Variants in GTF3C3 observed in about 807,000 individuals in gnomAD.
GTF3C3 encodes general transcription factor 3C polypeptide 3.
In GTF3C3, 75 loss-of-function variants were observed where a neutral mutation model predicts 105.2. That is an observed-to-expected ratio of 0.71 (90% CI 0.59 to 0.86). GTF3C3 has a LOEUF of 0.86. Ranked by LOEUF, GTF3C3 falls within the 40% of genes least tolerant of loss-of-function variation. GTF3C3 has a pLI of 0.00. For synonymous variants in GTF3C3, 335 were observed against 370.4 expected, an observed-to-expected ratio of 0.90 and a Z score of 1.10; for missense variants, 856 against 1,076.5, an observed-to-expected ratio of 0.80 and a Z score of 2.87.
Position 196,763,360 on chromosome 2 carries a change from T to C in GTF3C3, c.*1203A>G, listed in dbSNP as rs200942296. 5 of 152,128 alleles carry C rather than the reference T, an allele frequency of 3.3e-5. No individual in the cohort carries two copies. The East Asian group carries it at 9.6e-4, about 29-fold the overall frequency. 9.4% of individuals were successfully genotyped at this position (152,128 alleles called of 1,614,324 possible). ...CACAGAATGCTCAGTTCCACAGAAT[T>C]CCAACACACAAGTCTAACTTATTAC... On this transcript the variant is annotated 3_prime_UTR_variant, in exon 18 of 18. Transcript: ENST00000263956.
At chr2:196,772,025 C>T (rs1699184083) in intron 14 of GTF3C3, 87 bp from the exon 15 acceptor site, 1 of 845,166 alleles carries the variant, frequency 1.2e-6, no homozygotes, top group African/African-American at 1.7e-5. Flanking sequence ...GCTGTCCTAC[C>T]AGCACTGAAA....
chr2:196,766,580 A>C lies in GTF3C3; in HGVS notation c.2523T>G (p.Pro841=). Residue 841 remains proline (P), a synonymous_variant, in exon 17 of 18, where the codon CCT becomes CCG. Transcript: ENST00000263956. ...IHYYQKALEL[P]PLVVEGIELD... is the part of the protein sequence containing the mutation. ...TGCACAATACCTCTACCACAAGTGG[A>C]GGGAGCTCCAGGGCCTTCTGATAAT... is the stretch of plus-strand genomic sequence containing the variant. The C allele has an allele frequency of 6.2e-7, 1 of 1,609,916 alleles. No homozygotes were observed. The highest frequency in any genetic ancestry group is 8.5e-7 in the Non-Finnish European group (1 of 1,177,540).
chr2:196,778,817 T>C, intron 10 of GTF3C3, 79 bp downstream of exon 10: 3 of 1,285,130 alleles, frequency 2.3e-6, no homozygotes, highest in Non-Finnish European at 3.4e-6. Flanking sequence ...TGCACTATAA[T>C]AATTATTACC....
intron 8 of GTF3C3, among the ~76,000 whole-genome samples, chr2:196,781,355 A>ATATATATTATATATATATATAT (rs1442698575): frequency 1.9e-4 from 6 of 31,184 alleles, no homozygotes; most frequent in Non-Finnish European, 4.3e-4. Flanking sequence ...AAAAAAAAAA[A>ATATATATTATATATATATATAT]AAATATATAT....
chr2:196,764,387 A>ATAATT lies in GTF3C3; in HGVS notation c.*171_*175dup. ...GACCAATATACAAATTTTTGTAGGA[A>ATAATT]TAATTTTGCATATATACCACAAGAT... On this transcript the variant is annotated 3_prime_UTR_variant, in exon 18 of 18. Coordinates refer to ENST00000263956, the MANE Select transcript of GTF3C3 (RefSeq NM_012086.5). 1 of 509,614 alleles carries ATAATT rather than the reference A, an allele frequency of 2.0e-6. No individual in the cohort carries two copies. Among genetic ancestry groups the ATAATT allele is most frequent in the Non-Finnish European group, 3.2e-6 (1 of 308,642 alleles). 31.6% of individuals were successfully genotyped at this position (509,614 alleles called of 1,614,324 possible). A position where few individuals can be genotyped will look rare whatever the true frequency, so the allele number is the denominator to read the frequency against.
intron 7 of GTF3C3, among the ~76,000 whole-genome samples, chr2:196,785,180 T>C (rs572598897): frequency 6.6e-6 from 1 of 152,030 alleles, no homozygotes; most frequent in Admixed American, 6.5e-5. Context: ...AAGAACTAAA[T>C]CACAGCAATT....
At position 196,789,369 on chromosome 2, in the gene GTF3C3, G is replaced by A; in HGVS notation, c.728C>T (p.Ala243Val). The A allele has an allele frequency of 6.3e-7, 1 of 1,576,054 alleles. No individual in the cohort carries two copies. Among genetic ancestry groups the A allele is most frequent in the Admixed American group, 1.9e-5 (1 of 53,082 alleles). The stretch of plus-strand genomic sequence containing the variant: ...GACATTAGTAGGTTCATATTTAAGA[G>A]CTAAAAAGAAAGAAATACAAATTAT... ...IKQAIFCYTK[A>V]LKYEPTNVRY... The change falls in exon 6 of 18, where the codon GCT becomes GTT. Residue 243 changes from alanine (A) to valine (V), a missense_variant and splice_region_variant. This residue lies in a region of GTF3C3 where 605 missense variants were observed against 833.6 expected (regional missense o/e 0.73). Transcript: ENST00000263956.
At chr2:196,798,035 A>G (rs1699676596) in intron 1 of GTF3C3, 127 bp from the exon 2 acceptor site, 3 of 644,328 alleles carry the variant, frequency 4.7e-6, no homozygotes, top group Admixed American at 5.0e-5. Context: ...TTGGCAGTTT[A>G]TAGAATAGGG....
chr2:196,779,130 C>CTTTT, intron 9 of GTF3C3, 63 bp from the exon 10 acceptor site: 1 of 1,037,446 alleles, frequency 9.6e-7, no homozygotes, highest in Non-Finnish European at 1.4e-6. Flanking sequence ...CTATCTATAG[C>CTTTT]TTTTTTTTTT....
rs775862667 is a variant in GTF3C3, at chr2:196,797,907, C to G, written c.104G>C (p.Ser35Thr). ...REERKTREKK[S>T]LQEKGKLSAE... The stretch of plus-strand genomic sequence containing the variant: ...TGATAACTTGCCTTTTTCCTGAAGA[C>G]TCTGTGATTGCAAATTAATTAATGA... The change falls in exon 2 of 18, where the codon AGT (serine) becomes ACT (threonine). Residue 35 changes from serine to threonine, a missense_variant and splice_region_variant. Ser to Thr is a moderately conservative substitution (Grantham distance 58). Coordinates refer to ENST00000263956, the MANE Select transcript of GTF3C3 (RefSeq NM_012086.5). 8.5e-6 allele frequency: 13 copies of G among 1,532,316 alleles called. No homozygotes were observed. The highest frequency in any genetic ancestry group is 1.1e-5 in the Non-Finnish European group (12 of 1,105,380). 94.9% of individuals were successfully genotyped at this position (1,532,316 alleles called of 1,614,324 possible).
At position 196,776,073 on chromosome 2, in the gene GTF3C3, AAAC is replaced by A. The variant is rs1699254862; in HGVS notation, c.1629_1631del (p.Leu543del). 6.2e-7 allele frequency: 1 copy of A among 1,600,398 alleles called. No individual in the cohort carries two copies. Among genetic ancestry groups the A allele is most frequent in the Non-Finnish European group, 8.5e-7 (1 of 1,171,860 alleles). On this transcript the variant is annotated inframe_deletion, in exon 12 of 18. Transcript: ENST00000263956. This position sits in a 1 kb window ranked among gnomAD's most constrained non-coding sequence, Gnocchi z 4.5. Reference sequence around the variant, plus strand: ...CATAACCATACATTTTGCCTTGTGAAAACAACAGAGTAGAACGATGAAGCAATA... The same window carrying A: ...CATAACCATACATTTTGCCTTGTGAAAACAGAGTAGAACGATGAAGCAATA...
chr2:196,766,800 A>G lies in GTF3C3; in HGVS notation c.2386-83T>C, dbSNP rs1047068955. The G allele has an allele frequency of 4.7e-6, 5 of 1,064,636 alleles. No homozygotes were observed. The African/African-American group carries it at 4.8e-5, about 10-fold the overall frequency. 65.9% of individuals were successfully genotyped at this position (1,064,636 alleles called of 1,614,324 possible). A position where few individuals can be genotyped will look rare whatever the true frequency, so the allele number is the denominator to read the frequency against. On this transcript the variant is annotated intron_variant, in intron 16 of 17. Transcript: ENST00000263956. ...ACCACTGTATTACCAGGTGCTGAAA[A>G]TACAAATATTTTTTAAAAACCTATC...
intron 3 of GTF3C3, among the ~76,000 whole-genome samples, chr2:196,792,581 T>C (rs776409989): frequency 6.6e-6 from 1 of 152,208 alleles, no homozygotes; most frequent in Non-Finnish European, 1.5e-5. Flanking sequence ...AAAAAATAAA[T>C]GGCCCAATTG....
At chr2:196,770,109 G>A in intron 15 of GTF3C3, 70 bp from the exon 16 acceptor site, 1 of 1,326,074 alleles carries the variant, frequency 7.5e-7, no homozygotes, top group South Asian at 1.8e-5. Context: ...ACACTTTTAA[G>A]GCCAAACATT....
chr2:196,791,296 T>G, intron 4 of GTF3C3, 41 bp downstream of exon 4: 2 of 1,606,728 alleles, frequency 1.2e-6, no homozygotes, highest in Non-Finnish European at 1.7e-6. Flanking sequence ...TAAGTCAGAC[T>G]ATTAAACTGC....
Position 196,769,952 on chromosome 2 carries a change from T to A in GTF3C3, c.2348A>T (p.Gln783Leu). 1 of 1,606,022 alleles carries A rather than the reference T, an allele frequency of 6.2e-7. No homozygotes were observed. The highest frequency in any genetic ancestry group is 8.5e-7 in the Non-Finnish European group (1 of 1,176,096). Residue 783 changes from glutamine (Q) to leucine (L), a missense_variant, in exon 16 of 18, where the codon CAG becomes CTG. By Grantham distance (113) the Gln-to-Leu change is moderately radical. Transcript: ENST00000263956. ...AGCATGTCTCCGTAACACATACTTC[T>A]GAGATGCCATATGAATAAAGGTTAG... ...IGLTFIHMAS[Q>L]KYVLRRHALI...
At chr2:196,794,555 C>T (rs1239345720) in intron 2 of GTF3C3, among the ~76,000 whole-genome samples, 2 of 151,622 alleles carry the variant, frequency 1.3e-5, no homozygotes, top group Non-Finnish European at 2.9e-5. Flanking sequence ...CTGCCTCAGC[C>T]TCATGGGGTA....
chr2:196,785,360 G>GA (rs1699437934), intron 7 of GTF3C3, 81 bp downstream of exon 7: 1 of 1,130,712 alleles, frequency 8.8e-7, no homozygotes, highest in African/African-American at 1.6e-5. Flanking sequence ...TAACTAAAAC[G>GA]AAGAACTGCC....
chr2:196,785,658 G>C, intron 6 of GTF3C3, 70 bp from the exon 7 acceptor site: 2 of 902,716 alleles, frequency 2.2e-6, no homozygotes, highest in East Asian at 5.0e-5. Flanking sequence ...CCTTGCTTAG[G>C]CTATCTAACA....
Sources: allele counts gnomAD v4.1 joint callset (sites outside exome capture counted in the v4.1 genomes callset), GRCh38; gene constraint gnomAD v4.1.1; regional missense constraint gnomAD v4.1.1; non-coding constraint Gnocchi (gnomAD v3.1); transcripts MANE v1.5; gene names NCBI Gene and HGNC (gene_info 2026-07-23, HGNC 2026-07-21).